The following PPARG variants were observed in gnomAD, a reference collection of about 807,000 sequenced individuals.
PPARG encodes peroxisome proliferator-activated receptor gamma.
PPARG carries 17 observed loss-of-function variants against 39.2 expected under a neutral mutation model. The ratio of observed to expected loss-of-function variants is 0.43; its 90% CI spans 0.30 to 0.65. PPARG has a LOEUF of 0.65. Ranked by LOEUF, PPARG falls within the 30% of genes least tolerant of loss-of-function variation. The pLI is 0.13. For missense variants in PPARG, 406 were observed against 585.9 expected (o/e 0.69, Z 3.17); for synonymous variants, 223 against 215.7 (o/e 1.03, Z -0.30).
chr3:12,364,809 A>G (rs1021532428), intron 2 of PPARG, among the ~76,000 whole-genome samples: 1 of 152,214 alleles, frequency 6.6e-6, no homozygotes, highest in East Asian at 1.9e-4. Context: ...ATCTTTTCAC[A>G]TGTTCACATG....
chr3:12,372,127 G>A, intron 2 of PPARG: 1 of 719,888 alleles, frequency 1.4e-6, no homozygotes, highest in Non-Finnish European at 2.6e-6. Context: ...TACTCTTGTT[G>A]CCTAGCTGAA....
At chr3:12,315,532 A>G (rs763684137) in intron 2 of PPARG, among the ~76,000 whole-genome samples, 1 of 152,238 alleles carries the variant, frequency 6.6e-6, no homozygotes, top group Admixed American at 6.5e-5. Context: ...TAAGGTCACA[A>G]TGGAGTCACT....
At chr3:12,308,343 CAAAAAAAAAAA>C (rs57225468) in intron 1 of PPARG, among the ~76,000 whole-genome samples, 10 of 37,286 alleles carry the variant, frequency 2.7e-4, no homozygotes, top group Admixed American at 4.2e-4. Flanking sequence ...GACCCTGTCT[CAAAAAAAAAAA>C]AAAAAAAAAA....
intron 1 of PPARG, among the ~76,000 whole-genome samples, chr3:12,304,513 T>C (rs987338221): frequency 6.6e-6 from 1 of 152,218 alleles, no homozygotes; most frequent in Non-Finnish European, 1.5e-5. Flanking sequence ...TTAATGCTTA[T>C]GGTATCAGGT....
At chr3:12,392,489 C>T (rs940667337) in intron 4 of PPARG, 125 bp from the exon 5 acceptor site, 2 of 1,039,708 alleles carry the variant, frequency 1.9e-6, no homozygotes, top group Non-Finnish European at 2.9e-6. Flanking sequence ...CTAAAGTCAC[C>T]AGTGACAGAA....
intron 4 of PPARG, among the ~76,000 whole-genome samples, chr3:12,384,214 A>T (rs139700277): frequency 6.6e-6 from 1 of 152,264 alleles, no homozygotes; most frequent in East Asian, 1.9e-4. Context: ...ATGTGAATCC[A>T]CTTATATTTT....
intron 6 of PPARG, 31 bp downstream of exon 6, chr3:12,406,112 G>A (rs747013706): frequency 1.2e-6 from 2 of 1,607,126 alleles, no homozygotes; most frequent in Admixed American, 1.7e-5. Flanking sequence ...TTCATTGGGG[G>A]AGGCGGGAAG....
intron 2 of PPARG, among the ~76,000 whole-genome samples, chr3:12,359,674 C>CTTTTTTTTTTTT (rs71628752): frequency 3.1e-5 from 4 of 129,850 alleles, no homozygotes; most frequent in African/African-American, 1.2e-4. Flanking sequence ...TCTTTTATTT[C>CTTTTTTTTTTTT]TTTTTTTTTT....
At chr3:12,324,244 A>T (rs1210671294) in intron 2 of PPARG, among the ~76,000 whole-genome samples, 1 of 151,960 alleles carries the variant, frequency 6.6e-6, no homozygotes, top group African/African-American at 2.4e-5. Flanking sequence ...GTGCCACTGC[A>T]CTCCAGGCTG....
intron 2 of PPARG, among the ~76,000 whole-genome samples, chr3:12,347,646 C>T (rs2048366302): frequency 6.6e-6 from 1 of 152,156 alleles, no homozygotes; most frequent in Non-Finnish European, 1.5e-5. Context: ...GCTGGTCATT[C>T]TGGTTGTTAG....
chr3:12,416,020 G>A (rs1361413258), intron 6 of PPARG, among the ~76,000 whole-genome samples: 1 of 152,200 alleles, frequency 6.6e-6, no homozygotes, highest in African/African-American at 2.4e-5. Context: ...GTTTTTTATT[G>A]AAAGAAGGTT....
intron 1 of PPARG, among the ~76,000 whole-genome samples, chr3:12,293,924 G>A (rs1268653007): frequency 6.6e-6 from 1 of 152,174 alleles, no homozygotes; most frequent in East Asian, 1.9e-4. Flanking sequence ...CTTTGAATTT[G>A]AATGTCTTTG....
chr3:12,411,776 CAG>C (rs997296195), intron 6 of PPARG, among the ~76,000 whole-genome samples: 7 of 148,502 alleles, frequency 4.7e-5, no homozygotes, highest in Middle Eastern at 3.5e-3. Context: ...ACGGGAACAA[CAG>C]GGGCAGAAAC....
At chr3:12,360,709 C>G (rs1025215971) in intron 2 of PPARG, among the ~76,000 whole-genome samples, 6 of 151,868 alleles carry the variant, frequency 4.0e-5, no homozygotes, top group Non-Finnish European at 7.4e-5. Flanking sequence ...TCTTTTGTGT[C>G]TGGATTCTTT....
chr3:12,415,403 A>G (rs1251308068), intron 6 of PPARG, among the ~76,000 whole-genome samples: 3 of 152,228 alleles, frequency 2.0e-5, no homozygotes, highest in East Asian at 3.8e-4. Context: ...GCTTTCAGGT[A>G]TACAAGTATT....
At chr3:12,392,593 T>A in intron 4 of PPARG, 21 bp from the exon 5 acceptor site, 1 of 1,613,454 alleles carries the variant, frequency 6.2e-7, no homozygotes, top group Non-Finnish European at 8.5e-7. Flanking sequence ...TAAAATTTGC[T>A]TCTTTTTTAT....
At chr3:12,299,513 T>C (rs2046875631) in intron 1 of PPARG, among the ~76,000 whole-genome samples, 1 of 152,202 alleles carries the variant, frequency 6.6e-6, no homozygotes, top group Non-Finnish European at 1.5e-5. Context: ...ATGCATAATA[T>C]ATTTATAATT....
At chr3:12,297,465 A>G (rs2046816291) in intron 1 of PPARG, among the ~76,000 whole-genome samples, 1 of 152,170 alleles carries the variant, frequency 6.6e-6, no homozygotes, top group South Asian at 2.1e-4. Context: ...TCAAAAGCAT[A>G]CATTTATAGC....
chr3:12,373,300 C>T (rs530241279), intron 2 of PPARG, among the ~76,000 whole-genome samples: 3 of 152,076 alleles, frequency 2.0e-5, no homozygotes, highest in East Asian at 3.9e-4. Context: ...GGGAGAAGGG[C>T]AGGGGGGAAG....
Sources: allele counts gnomAD v4.1 joint callset (sites outside exome capture counted in the v4.1 genomes callset), GRCh38; gene constraint gnomAD v4.1.1; transcripts MANE v1.5; gene names NCBI Gene and HGNC (gene_info 2026-07-23, HGNC 2026-07-21).